Variants in NAV3 observed in about 807,000 individuals in gnomAD.
NAV3 encodes neuron navigator 3.
In NAV3, 87 loss-of-function variants were observed where a neutral mutation model predicts 244.7. The observed-to-expected ratio is 0.36, with a 90% CI of 0.30 to 0.42. The LOEUF (loss-of-function observed/expected upper bound fraction) is 0.42, where lower values mean the gene tolerates loss of function less well. NAV3 is among the 20% of genes least tolerant of loss of function. The pLI is 1.00. For missense variants in NAV3, 2,663 were observed against 2,893.3 expected (o/e 0.92, Z 1.83); for synonymous variants, 1,126 against 1,042.2 (o/e 1.08, Z -1.55).
intron 1 of NAV3, among the ~76,000 whole-genome samples, chr12:77,840,125 G>T (rs1331539487): frequency 6.6e-6 from 1 of 151,732 alleles, no homozygotes; most frequent in African/African-American, 2.4e-5. Flanking sequence ...AAGTAAATAT[G>T]GGAAAAAAGA....
At chr12:78,053,412 G>T (rs952805312) in intron 11 of NAV3, among the ~76,000 whole-genome samples, 12 of 151,904 alleles carry the variant, frequency 7.9e-5, no homozygotes, top group African/African-American at 2.4e-4. Context: ...TGAGCATTTG[G>T]CCACAATATT....
chr12:78,053,302 T>G (rs750848862), intron 11 of NAV3, among the ~76,000 whole-genome samples: 3 of 151,868 alleles, frequency 2.0e-5, no homozygotes, highest in Non-Finnish European at 4.4e-5. Context: ...GCACTCAATA[T>G]CATTATTCAT....
intron 2 of NAV3, among the ~76,000 whole-genome samples, chr12:77,749,411 ACAG>A (rs747483208): frequency 6.6e-6 from 1 of 152,236 alleles, no homozygotes; most frequent in African/African-American, 2.4e-5. Flanking sequence ...AAAAGATGTT[ACAG>A]ATGAGAAAAA....
At chr12:78,171,593 G>A (rs1304551774) in intron 24 of NAV3, among the ~76,000 whole-genome samples, 2 of 151,548 alleles carry the variant, frequency 1.3e-5, no homozygotes, top group Non-Finnish European at 1.5e-5. Context: ...TTGTATTTCT[G>A]TAATATTAAA....
intron 5 of NAV3, among the ~76,000 whole-genome samples, chr12:77,990,118 G>A (rs1261756543): frequency 2.8e-5 from 2 of 72,674 alleles, no homozygotes; most frequent in Non-Finnish European, 5.1e-5. Flanking sequence ...GTTTAGTCTA[G>A]GTCCTGCTCT....
chr12:78,170,546 G>T (rs1295525636), intron 24 of NAV3, among the ~76,000 whole-genome samples: 1 of 151,632 alleles, frequency 6.6e-6, no homozygotes, highest in Non-Finnish European at 1.5e-5. Context: ...CCCATTCATT[G>T]CCTTTAGAAT....
intron 2 of NAV3, among the ~76,000 whole-genome samples, chr12:77,766,747 T>G (rs937668964): frequency 1.1e-3 from 32 of 28,252 alleles, no homozygotes; most frequent in South Asian, 4.7e-3. Context: ...TTTTTTTTTT[T>G]TTTTTTTTTT....
chr12:77,625,493 G>C (rs997604154), intron 2 of NAV3, among the ~76,000 whole-genome samples: 4 of 152,086 alleles, frequency 2.6e-5, no homozygotes, highest in Admixed American at 2.6e-4. Flanking sequence ...AACTAGACTT[G>C]TTTCTTATTA....
intron 2 of NAV3, among the ~76,000 whole-genome samples, chr12:77,576,207 G>A (rs774439549): frequency 6.6e-6 from 1 of 152,044 alleles, no homozygotes; most frequent in Non-Finnish European, 1.5e-5. Context: ...TATGTAAAAT[G>A]AGAGAAATTA....
At chr12:77,752,363 A>G (rs1488952107) in intron 2 of NAV3, among the ~76,000 whole-genome samples, 2 of 152,162 alleles carry the variant, frequency 1.3e-5, no homozygotes, top group African/African-American at 4.8e-5. Context: ...TTTTATAGGG[A>G]CGCAACTACT....
At chr12:77,830,119 T>C (rs1333071285), upstream of NAV3, among the ~76,000 whole-genome samples, 1 of 152,218 alleles carries the variant, frequency 6.6e-6, no homozygotes, top group East Asian at 1.9e-4. Context: ...GTTCCTGACA[T>C]GCTTTAACCA....
chr12:78,015,333 T>C (rs1157731929), intron 8 of NAV3, among the ~76,000 whole-genome samples: 1 of 152,106 alleles, frequency 6.6e-6, no homozygotes, highest in East Asian at 1.9e-4. Flanking sequence ...ATATTGCACC[T>C]AGTAGCTGTC....
At chr12:78,120,064 C>A in intron 15 of NAV3, 119 bp downstream of exon 15, 1 of 490,830 alleles carries the variant, frequency 2.0e-6, no homozygotes, top group Non-Finnish European at 3.0e-6. Flanking sequence ...ATATATATAT[C>A]TTAGAATTCT....
At chr12:77,803,643 AG>A (rs1284549695) in intron 2 of NAV3, among the ~76,000 whole-genome samples, 2 of 152,184 alleles carry the variant, frequency 1.3e-5, no homozygotes, top group African/African-American at 4.8e-5. Flanking sequence ...GTATATGCCC[AG>A]TAATGGGATT....
At chr12:77,608,858 C>T (rs566112478) in intron 2 of NAV3, among the ~76,000 whole-genome samples, 39 of 152,172 alleles carry the variant, frequency 2.6e-4, no homozygotes, top group African/African-American at 9.1e-4. Context: ...TTAGCTTTTT[C>T]TCCAGGCATT....
At chr12:78,013,880 T>C (rs1875734153) in intron 8 of NAV3, among the ~76,000 whole-genome samples, 3 of 152,060 alleles carry the variant, frequency 2.0e-5, no homozygotes, top group Admixed American at 2.0e-4. Context: ...ATTCTGTTTT[T>C]TTAAAACTCC....
intron 1 of NAV3, among the ~76,000 whole-genome samples, chr12:77,939,766 C>T (rs1428475692): frequency 1.3e-5 from 2 of 152,236 alleles, no homozygotes; most frequent in South Asian, 2.1e-4. Context: ...CTCATATAAA[C>T]ACATTTCAAG....
chr12:77,620,710 CCTCAG>C (rs1317152295), intron 2 of NAV3, among the ~76,000 whole-genome samples: 1 of 152,098 alleles, frequency 6.6e-6, no homozygotes, highest in Non-Finnish European at 1.5e-5. Flanking sequence ...GATCCACCCC[CCTCAG>C]CCTCCCAAAG....
chr12:78,123,441 A>G (rs1460348446), intron 16 of NAV3, among the ~76,000 whole-genome samples: 1 of 152,058 alleles, frequency 6.6e-6, no homozygotes, highest in Non-Finnish European at 1.5e-5. Flanking sequence ...TTAAACATCA[A>G]TTAAAGCCCT....
Sources: allele counts gnomAD v4.1 joint callset (sites outside exome capture counted in the v4.1 genomes callset), GRCh38; gene constraint gnomAD v4.1.1; transcripts MANE v1.5; gene names NCBI Gene and HGNC (gene_info 2026-07-23, HGNC 2026-07-21).